Variants in SFTPD observed in about 807,000 individuals in gnomAD.
SFTPD encodes the protein surfactant protein D, also known as pulmonary surfactant-associated protein D.
Under a neutral mutation model 34.6 loss-of-function variants are expected in SFTPD, and 18 were observed. The ratio of observed to expected loss-of-function variants is 0.52; its 90% CI spans 0.36 to 0.77. SFTPD has a LOEUF of 0.77. Among genes scored for constraint, SFTPD ranks in the 30% least tolerant of loss-of-function variants. The probability of loss-of-function intolerance (pLI) is 0.00; values close to 1 mark genes in which losing one functional copy is unlikely to be tolerated. For synonymous variants in SFTPD, 155 were observed against 180.9 expected (o/e 0.86, Z 1.15); for missense variants, 433 against 468.9 (o/e 0.92, Z 0.71).
intron 2 of SFTPD, among the ~76,000 whole-genome samples, chr10:79,945,730 T>C (rs147184295): frequency 6.8e-4 from 104 of 152,294 alleles, no homozygotes; most frequent in African/African-American, 2.2e-3. Context: ...GTGGTAGATA[T>C]CATTCCCATT....
At chr10:79,975,643 G>T (rs1434989392) in intron 1 of SFTPD, among the ~76,000 whole-genome samples, 1 of 152,150 alleles carries the variant, frequency 6.6e-6, no homozygotes, top group Non-Finnish European at 1.5e-5. Context: ...CACACACACA[G>T]AAACAGAATT....
intron 4 of SFTPD, 51 bp from the exon 5 acceptor site, chr10:79,942,121 G>A (rs555655990): frequency 2.2e-6 from 3 of 1,358,786 alleles, no homozygotes; most frequent in East Asian, 4.6e-5. Context: ...CGTTCAGCAG[G>A]TGTGGTTTTG....
upstream of SFTPD, among the ~76,000 whole-genome samples, chr10:79,952,007 C>A (rs139703127): frequency 6.6e-6 from 1 of 152,324 alleles, no homozygotes; most frequent in Non-Finnish European, 1.5e-5. Flanking sequence ...TCCTAAAACA[C>A]CCTTGTCCCG....
At chr10:79,940,883 C>G (rs1842604427) in intron 6 of SFTPD, 95 bp from the exon 7 acceptor site, 3 of 802,466 alleles carry the variant, frequency 3.7e-6, no homozygotes, top group Non-Finnish European at 6.4e-6. Flanking sequence ...TAGTTTCGGG[C>G]ACATATTGTG....
At chr10:79,959,914 G>A (rs1328871698) in intron 1 of SFTPD, among the ~76,000 whole-genome samples, 1 of 152,046 alleles carries the variant, frequency 6.6e-6, no homozygotes, top group Admixed American at 6.6e-5. Context: ...CTGGCAAACC[G>A]AATCCAGCAG....
intron 1 of SFTPD, among the ~76,000 whole-genome samples, chr10:79,955,738 T>C (rs1428152991): frequency 6.6e-6 from 1 of 152,228 alleles, no homozygotes; most frequent in Non-Finnish European, 1.5e-5. Context: ...AACTACCTTT[T>C]TGGATGAGAA....
At chr10:79,981,962 G>A (rs997447145) in intron 1 of SFTPD, 2 of 319,686 alleles carry the variant, frequency 6.3e-6, no homozygotes, top group Non-Finnish European at 1.2e-5. Context: ...TCGTCTCCTT[G>A]TCTCCCGTGC....
intron 1 of SFTPD, among the ~76,000 whole-genome samples, chr10:79,957,529 C>G (rs1842747208): frequency 6.6e-6 from 1 of 152,012 alleles, no homozygotes; most frequent in African/African-American, 2.4e-5. Context: ...CTGATGCGAT[C>G]AACTGGAAGA....
chr10:79,940,273 C>T (rs1471431194), intron 7 of SFTPD, among the ~76,000 whole-genome samples: 5 of 152,182 alleles, frequency 3.3e-5, no homozygotes, highest in Non-Finnish European at 7.3e-5. Context: ...TCAGAGGGAC[C>T]AGCACAAAGT....
At chr10:79,968,880 A>G (rs1374649872) in intron 1 of SFTPD, 1 of 151,864 alleles carries the variant, frequency 6.6e-6, no homozygotes, top group African/African-American at 2.4e-5. Context: ...CTGGTGTAAG[A>G]TGGTATCTCA....
At chr10:79,953,754 T>G (rs10788319), upstream of SFTPD, among the ~76,000 whole-genome samples, 1 of 152,006 alleles carries the variant, frequency 6.6e-6, no homozygotes, top group South Asian at 2.1e-4. Context: ...TACCCCCTTT[T>G]CTCTCTCTTC....
At chr10:79,958,477 A>G (rs1443852220) in intron 1 of SFTPD, among the ~76,000 whole-genome samples, 1 of 152,206 alleles carries the variant, frequency 6.6e-6, no homozygotes, top group Non-Finnish European at 1.5e-5. Flanking sequence ...AAACAAAAAA[A>G]GGCAGGGGTT....
chr10:79,962,222 C>G (rs1436525582), intron 1 of SFTPD, among the ~76,000 whole-genome samples: 2 of 150,252 alleles, frequency 1.3e-5, no homozygotes, highest in East Asian at 4.0e-4. Flanking sequence ...GTGCAGCACA[C>G]CAACATGGCA....
chr10:79,973,385 C>T (rs1172539724), intron 1 of SFTPD, among the ~76,000 whole-genome samples: 4 of 151,516 alleles, frequency 2.6e-5, no homozygotes, highest in South Asian at 2.1e-4. Flanking sequence ...TTTGGGAGGC[C>T]GAGGCAGGTG....
chr10:79,977,299 T>C (rs1327266418), intron 1 of SFTPD, among the ~76,000 whole-genome samples: 2 of 152,240 alleles, frequency 1.3e-5, no homozygotes, highest in East Asian at 1.9e-4. Context: ...ACTCACTGTA[T>C]TGGTGCTCTG....
At chr10:79,954,254 T>C (rs72822457) in intron 1 of SFTPD, among the ~76,000 whole-genome samples, 5,907 of 152,286 alleles carry the variant, frequency 0.039, 210 homozygotes, top group African/African-American at 0.087. Context: ...ATGATCCTTG[T>C]ATGCTTGCAT....
At chr10:79,947,150 T>G (rs1230551585) in intron 1 of SFTPD, among the ~76,000 whole-genome samples, 1 of 152,234 alleles carries the variant, frequency 6.6e-6, no homozygotes, top group Non-Finnish European at 1.5e-5. Flanking sequence ...GGACTAGCAC[T>G]GGTGCTGATA....
chr10:79,974,293 G>A (rs560130718), intron 1 of SFTPD, among the ~76,000 whole-genome samples: 27 of 152,060 alleles, frequency 1.8e-4, no homozygotes, highest in South Asian at 6.2e-4. Context: ...TCCGCCTCCC[G>A]AGTAGCTGGG....
At chr10:79,940,638 C>G in intron 7 of SFTPD, 67 bp downstream of exon 7, 1 of 1,091,912 alleles carries the variant, frequency 9.2e-7, no homozygotes, top group Non-Finnish European at 1.4e-6. Context: ...AAAGGCCAAA[C>G]CAAGGTCAAG....
Sources: gnomAD v4.1 joint callset for allele counts (sites outside exome capture counted in the v4.1 genomes callset) on GRCh38, gnomAD v4.1.1 for gene constraint, MANE v1.5 for transcripts, NCBI Gene and HGNC (gene_info 2026-07-23, HGNC 2026-07-21) for gene names.